Variants in THNSL1 observed in about 807,000 individuals in gnomAD.
THNSL1 encodes the protein threonine synthase like 1, also known as threonine synthase-like 1.
Under a neutral mutation model 50.4 loss-of-function variants are expected in THNSL1, and 48 were observed. That is an observed-to-expected ratio of 0.95 (90% CI 0.76 to 1.21). THNSL1 has a LOEUF of 1.21. Ranked by LOEUF, THNSL1 falls within the 50% of genes most tolerant of loss-of-function variation. THNSL1 has a pLI of 0.00. For synonymous variants in THNSL1, 309 were observed against 306.1 expected (o/e 1.01, Z -0.10); for missense variants, 896 against 871.7 (o/e 1.03, Z -0.35).
chr10:24,968,479 T>G, the THNSL1 span, among the ~76,000 whole-genome samples: 1 of 152,142 alleles, frequency 6.6e-6, no homozygotes, highest in East Asian at 1.9e-4. Context: ...AACATCCTCC[T>G]TGGGTGTTAG....
the THNSL1 span, among the ~76,000 whole-genome samples, chr10:25,007,593 C>T: frequency 1.3e-5 from 2 of 152,124 alleles, no homozygotes; most frequent in Admixed American, 6.6e-5. Context: ...CGCCACCACA[C>T]CCGGGTAATT....
the THNSL1 span, among the ~76,000 whole-genome samples, chr10:24,965,615 A>C: frequency 6.6e-6 from 1 of 152,194 alleles, no homozygotes; most frequent in Non-Finnish European, 1.5e-5. Flanking sequence ...GGTTGAGTGG[A>C]AGGAATATTG....
the THNSL1 span, chr10:24,984,188 G>A: frequency 1.0e-5 from 6 of 591,344 alleles, no homozygotes; most frequent in African/African-American, 3.7e-5. Context: ...ACAGTGTTAC[G>A]AATACTGAAA....
the THNSL1 span, among the ~76,000 whole-genome samples, chr10:24,987,778 A>G: frequency 7.9e-5 from 12 of 152,154 alleles, no homozygotes; most frequent in Admixed American, 2.6e-4. Context: ...GATGTACTTG[A>G]TAGTTTTGTG....
chr10:25,014,046 C>A (rs1446839049), upstream of THNSL1, among the ~76,000 whole-genome samples: 1 of 152,184 alleles, frequency 6.6e-6, no homozygotes, highest in East Asian at 1.9e-4. Context: ...TGAATCATGA[C>A]TTCCCATTGA....
At position 25,023,372 on chromosome 10, in the gene THNSL1, ACT is replaced by A; in HGVS notation, c.154_155del (p.Leu52CysfsTer36). 1 of 1,614,082 alleles carries A rather than the reference ACT, an allele frequency of 6.2e-7. No homozygotes were observed. Among genetic ancestry groups the A allele is most frequent in the Non-Finnish European group, 8.5e-7 (1 of 1,179,984 alleles). The stretch of plus-strand genomic sequence containing the variant: ...TTGAGGAAGTCATGGTATTCAACCC[ACT>A]CTCTTGTTGGAGACAAAAATATTAT... On this transcript the variant is annotated frameshift_variant, in exon 3 of 3. Transcript: ENST00000376356. LOFTEE classifies it high-confidence loss of function.
the THNSL1 span, among the ~76,000 whole-genome samples, chr10:24,960,431 T>G: frequency 6.6e-6 from 1 of 152,010 alleles, no homozygotes; most frequent in Non-Finnish European, 1.5e-5. Context: ...ATTTTATTTT[T>G]ATTTTTATTT....
At position 25,023,344 on chromosome 10, in the gene THNSL1, G is replaced by C. The variant is rs1402255883; in HGVS notation, c.121G>C (p.Glu41Gln). Residue 41 changes from glutamate (E) to glutamine (Q), a missense_variant, in exon 3 of 3, where the codon GAA (glutamate) becomes CAA (glutamine). Coordinates refer to ENST00000376356, the MANE Select transcript of THNSL1 (RefSeq NM_024838.5). ...TCTTTCAAGAACCTTTGCACTTGCG[G>C]AATTGAGGAAGTCATGGTATTCAAC... Reference protein sequence around the residue: ...RFLSRTFALAELRKSWYSTHS... With the variant: ...RFLSRTFALAQLRKSWYSTHS... 4 of 1,614,142 alleles carry C rather than the reference G, an allele frequency of 2.5e-6. No individual in the cohort carries two copies. The highest frequency in any genetic ancestry group is 2.5e-6 in the Non-Finnish European group (3 of 1,179,996).
chr10:24,983,220 G>A, the THNSL1 span: 1 of 152,142 alleles, frequency 6.6e-6, no homozygotes, highest in African/African-American at 2.4e-5. Flanking sequence ...GAGATTTGGA[G>A]TTAGTTTGTT....
chr10:25,017,570 T>G (rs184528875), intron 1 of THNSL1, among the ~76,000 whole-genome samples: 2 of 148,790 alleles, frequency 1.3e-5, no homozygotes, highest in Non-Finnish European at 3.0e-5. Context: ...GTGTAGGTCC[T>G]TACTTTGGGC....
chr10:25,012,339 G>C (rs1443665384), upstream of THNSL1, among the ~76,000 whole-genome samples: 5 of 152,242 alleles, frequency 3.3e-5, no homozygotes, highest in Non-Finnish European at 7.3e-5. Flanking sequence ...GGAGCTGTGA[G>C]AAGAGGGCCA....
chr10:25,024,595 A>G lies in THNSL1; in HGVS notation c.1372A>G (p.Thr458Ala). 6.2e-7 allele frequency: 1 copy of G among 1,614,196 alleles called. No individual in the cohort carries two copies. The highest frequency in any genetic ancestry group is 2.2e-5 in the East Asian group (1 of 44,878). The change falls in exon 3 of 3, where the codon ACT (threonine) becomes GCT (alanine). Residue 458 changes from threonine to alanine, a missense_variant. Coordinates refer to ENST00000376356, the MANE Select transcript of THNSL1 (RefSeq NM_024838.5). ...TGATTCTGATTTTACTGGCTTTCTT[A>G]CTGTGGAATATGGAACAATCTTAAG... ...FNDSDFTGFL[T>A]VEYGTILSSA... is the part of the protein sequence containing the mutation.
the THNSL1 span, among the ~76,000 whole-genome samples, chr10:24,993,019 C>T: frequency 3.9e-5 from 6 of 152,256 alleles, 1 homozygote; most frequent in African/African-American, 1.4e-4. Context: ...AATGACTGGG[C>T]GCAGTGGCTC....
At chr10:25,014,646 G>A (rs971329262), upstream of THNSL1, among the ~76,000 whole-genome samples, 1 of 152,128 alleles carries the variant, frequency 6.6e-6, no homozygotes, top group Non-Finnish European at 1.5e-5. Flanking sequence ...TGTTATAGAG[G>A]AGTTTTATCT....
upstream of THNSL1, among the ~76,000 whole-genome samples, chr10:25,011,907 G>A (rs961394648): frequency 6.6e-6 from 1 of 152,202 alleles, no homozygotes; most frequent in African/African-American, 2.4e-5. Flanking sequence ...TGTCTCCAGA[G>A]CCTGTCAGAG....
chr10:24,979,878 C>T, the THNSL1 span, among the ~76,000 whole-genome samples: 85 of 152,324 alleles, frequency 5.6e-4, no homozygotes, highest in African/African-American at 1.9e-3. Context: ...ATGGCGGCCC[C>T]GCCCCCGCCT....
chr10:25,020,238 A>ATATATATC (rs1554772123), intron 1 of THNSL1, among the ~76,000 whole-genome samples: 3 of 126,564 alleles, frequency 2.4e-5, no homozygotes, highest in African/African-American at 7.9e-5. Context: ...TTTCTTTAAA[A>ATATATATC]TATATCTATA....
At chr10:24,962,635 T>C in the THNSL1 span, among the ~76,000 whole-genome samples, 1 of 152,220 alleles carries the variant, frequency 6.6e-6, no homozygotes, top group African/African-American at 2.4e-5. Context: ...AATGCAGAAG[T>C]GGGCATTGAA....
chr10:24,988,316 GTATATATATTTATATATGTGTA>G, the THNSL1 span, among the ~76,000 whole-genome samples: 83 of 141,094 alleles, frequency 5.9e-4, no homozygotes, highest in Middle Eastern at 7.3e-3. Context: ...TTATATGTGT[GTATATATATTTATATATGTGTA>G]TATATATATT....
Sources: gnomAD v4.1 joint callset for allele counts (sites outside exome capture counted in the v4.1 genomes callset) on GRCh38, gnomAD v4.1.1 for gene constraint, MANE v1.5 for transcripts, NCBI Gene and HGNC (gene_info 2026-07-23, HGNC 2026-07-21) for gene names.